Variants in SLC38A10 observed in about 807,000 individuals in gnomAD.
The protein encoded by SLC38A10 is solute carrier family 38 member 10.
Under a neutral mutation model 81.0 loss-of-function variants are expected in SLC38A10, and 53 were observed. The ratio of observed to expected loss-of-function variants is 0.65; its 90% CI spans 0.53 to 0.82. SLC38A10 has a LOEUF of 0.82. SLC38A10 is among the 40% of genes least tolerant of loss of function. SLC38A10 has a pLI of 0.00. For synonymous variants in SLC38A10, 665 were observed against 655.3 expected (o/e 1.01, Z -0.23); for missense variants, 1,471 against 1,545.0 (o/e 0.95, Z 0.80).
Position 81,253,350 on chromosome 17 carries a change from G to A in SLC38A10, c.1289-110C>T. 1.5e-6 allele frequency: 2 copies of A among 1,351,278 alleles called. No individual in the cohort carries two copies. Among genetic ancestry groups the A allele is most frequent in the South Asian group, 2.9e-5 (2 of 69,974 alleles). 83.7% of individuals were successfully genotyped at this position (1,351,278 alleles called of 1,614,324 possible). Reference sequence around the variant, plus strand: ...CCAGCCAAATGGCAGAGTCAAAGCAGTTTCTTTTTCCTGTTCGATCATTAG... The same window carrying A: ...CCAGCCAAATGGCAGAGTCAAAGCAATTTCTTTTTCCTGTTCGATCATTAG... On this transcript the variant is annotated intron_variant, in intron 11 of 15. Coordinates refer to ENST00000374759, the MANE Select transcript of SLC38A10 (RefSeq NM_001037984.3). This position sits in a 1 kb window ranked among gnomAD's most constrained non-coding sequence, Gnocchi z 4.1.
At chr17:81,280,168 C>T (rs1036490689) in intron 6 of SLC38A10, 5 of 453,622 alleles carry the variant, frequency 1.1e-5, no homozygotes, top group Middle Eastern at 3.4e-4. Flanking sequence ...GCCCTGCGTG[C>T]CAGAGAGAAA....
chr17:81,292,018 AGCAC>A (rs1279462804), intron 1 of SLC38A10, among the ~76,000 whole-genome samples: 1 of 152,178 alleles, frequency 6.6e-6, no homozygotes. Flanking sequence ...ATTCATCAAC[AGCAC>A]ATCTAAAGAA....
chr17:81,248,752 G>C (rs2062876733), intron 14 of SLC38A10, among the ~76,000 whole-genome samples: 1 of 152,220 alleles, frequency 6.6e-6, no homozygotes, highest in South Asian at 2.1e-4. Context: ...AGAAGTGCAG[G>C]GTCAGCATTC....
In SLC38A10 at chr17:81,281,164, A is replaced by G. The variant is rs973719012; in HGVS notation, c.502-431T>C. 1.3e-5 allele frequency among the ~76,000 whole-genome samples: 2 copies of G among 152,208 alleles called. No homozygotes were observed. The highest frequency in any genetic ancestry group is 2.4e-5 in the African/African-American group (1 of 41,448). On this transcript the variant is annotated intron_variant, in intron 5 of 15. Transcript: ENST00000374759. The surrounding 1 kb of genome is among the most constrained non-coding windows in gnomAD (Gnocchi z 5.3). ...GGCCCACCAGGACGCGGCTGTCTCAAGAGTAAAGAGGTAGCTGCCACTGGG... is the reference window on the plus strand; with the variant it reads ...GGCCCACCAGGACGCGGCTGTCTCAGGAGTAAAGAGGTAGCTGCCACTGGG...
rs1275676215 is a variant in SLC38A10 at position 81,277,971 on chromosome 17, TG to T, written c.627-839del. On this transcript the variant is annotated intron_variant, in intron 6 of 15. Coordinates refer to ENST00000374759, the MANE Select transcript of SLC38A10 (RefSeq NM_001037984.3). This position sits in a 1 kb window ranked among gnomAD's most constrained non-coding sequence, Gnocchi z 4.5. ...GGGGGGTGCTCCTAGGGTGTCCAGG[TG>T]GCCATGGCCATGGCTGTCCCAGGGC... 1.4e-5 allele frequency among the ~76,000 whole-genome samples: 2 copies of T among 138,912 alleles called. No individual in the cohort carries two copies. The highest frequency in any genetic ancestry group is 1.5e-4 in the Admixed American group (2 of 13,284). The allele number at this position is 138,912 out of a possible 152,430, so 91.1% of individuals were successfully genotyped here.
Position 81,252,310 on chromosome 17 carries a change from C to T in SLC38A10, c.1830G>A (p.Val610=), listed in dbSNP as rs758812901. Residue 610 remains valine (V), a synonymous_variant, in exon 13 of 16, where the codon GTG becomes GTA. Transcript: ENST00000374759. ...DRGLHPRPQA[V]LSEQQNGLAV... ...CCAGGCCGTTCTGCTGCTCAGACAG[C>T]ACTGCCTGGGGCCGAGGATGCAGGC... is the stretch of plus-strand genomic sequence containing the variant. 6.2e-7 allele frequency: 1 copy of T among 1,612,234 alleles called. No individual in the cohort carries two copies. The highest frequency in any genetic ancestry group is 1.1e-5 in the South Asian group (1 of 91,032).
chr17:81,253,262 G>A lies in SLC38A10; in HGVS notation c.1289-22C>T. 1 of 1,610,878 alleles carries A rather than the reference G, an allele frequency of 6.2e-7. No homozygotes were observed. Among genetic ancestry groups the A allele is most frequent in the Admixed American group, 1.7e-5 (1 of 59,946 alleles). On this transcript the variant is annotated intron_variant, in intron 11 of 15. Transcript: ENST00000374759. The surrounding 1 kb of genome is among the most constrained non-coding windows in gnomAD (Gnocchi z 4.1). ...TGGGCTGGGAGCAGGGCACAGTTAG[G>A]GAACTGCACTGCCAAGCAGCTCCAG... is the stretch of plus-strand genomic sequence containing the variant.
intron 11 of SLC38A10, among the ~76,000 whole-genome samples, chr17:81,258,725 C>T (rs1029153415): frequency 6.6e-6 from 1 of 152,202 alleles, no homozygotes; most frequent in African/African-American, 2.4e-5. Flanking sequence ...AGTGGCCCTG[C>T]TCAGGCAGGA....
chr17:81,252,211 T>A lies in SLC38A10; in HGVS notation c.1929A>T (p.Ala643=). The part of the protein sequence containing the change: ...GNAAGDTGQP[A]EDSDHGGKPP... Reference sequence around the variant, plus strand: ...GACACCCACCGTGGTCGCTGTCCTCTGCGGGCTGCCCTGTGTCCCCGGCGG... The same window carrying A: ...GACACCCACCGTGGTCGCTGTCCTCAGCGGGCTGCCCTGTGTCCCCGGCGG... The change falls in exon 13 of 16, where the codon GCA becomes GCT. Residue 643 remains alanine (A), a synonymous_variant. Coordinates refer to ENST00000374759, the MANE Select transcript of SLC38A10 (RefSeq NM_001037984.3). The A allele has an allele frequency of 3.3e-6, 5 of 1,520,250 alleles. No individual in the cohort carries two copies. The South Asian group carries it at 6.5e-5, about 20-fold the overall frequency. 94.2% of individuals were successfully genotyped at this position (1,520,250 alleles called of 1,614,324 possible). A position where few individuals can be genotyped will look rare whatever the true frequency, so the allele number is the denominator to read the frequency against.
chr17:81,282,408 T>G, intron 4 of SLC38A10, 76 bp from the exon 5 acceptor site: 1 of 1,529,328 alleles, frequency 6.5e-7, no homozygotes, highest in South Asian at 1.2e-5. Flanking sequence ...TGACAGGGAG[T>G]GGGAGCGCCC....
At position 81,260,100 on chromosome 17, in the gene SLC38A10, C is replaced by T. The variant is rs2063007700; in HGVS notation, c.1288+138G>A. 16 of 1,078,264 alleles carry T rather than the reference C, an allele frequency of 1.5e-5. No homozygotes were observed. In the South Asian group the frequency reaches 2.5e-4, roughly 17 times the overall value. The allele number at this position is 1,078,264 out of a possible 1,614,324, so 66.8% of individuals were successfully genotyped here. A position where few individuals can be genotyped will look rare whatever the true frequency, so the allele number is the denominator to read the frequency against. On this transcript the variant is annotated intron_variant, in intron 11 of 15. Transcript: ENST00000374759. ...GCACAGAGCATGTTCACAGGGGAGG[C>T]TGGTGGCCCCACCCTGCTGGCTGCA...
rs1427879784 is a variant in SLC38A10 at position 81,246,580 on chromosome 17, A to AG, written c.2335dup (p.Leu779ProfsTer21). On this transcript the variant is annotated frameshift_variant, in exon 16 of 16. Transcript: ENST00000374759. LOFTEE classifies it low-confidence loss of function (END_TRUNC). The stretch of plus-strand genomic sequence containing the variant: ...AGCTCTGAGGACAGGGTCCAAAGGC[A>AG]GGGGAGGCAGATTCTCCACCGTCTC... 1 of 1,516,922 alleles carries AG rather than the reference A, an allele frequency of 6.6e-7. No homozygotes were observed. Among genetic ancestry groups the AG allele is most frequent in the Non-Finnish European group, 8.8e-7 (1 of 1,134,840 alleles). The allele number at this position is 1,516,922 out of a possible 1,614,324, so 94.0% of individuals were successfully genotyped here. A position where few individuals can be genotyped will look rare whatever the true frequency, so the allele number is the denominator to read the frequency against.
chr17:81,250,328 C>T (rs775144931), intron 14 of SLC38A10, among the ~76,000 whole-genome samples: 10 of 152,240 alleles, frequency 6.6e-5, no homozygotes, highest in Non-Finnish European at 8.8e-5. Context: ...CTGCCTTCCG[C>T]GCTGCAGGTG....
chr17:81,251,446 G>A (rs2062911952), intron 14 of SLC38A10, 47 bp downstream of exon 14: 2 of 1,607,796 alleles, frequency 1.2e-6, no homozygotes, highest in Non-Finnish European at 1.7e-6. Context: ...GGAGGGGGCT[G>A]CCGCTCCCTG....
At chr17:81,262,109 G>T (rs190270070) in intron 10 of SLC38A10, among the ~76,000 whole-genome samples, 3 of 152,216 alleles carry the variant, frequency 2.0e-5, no homozygotes, top group Non-Finnish European at 2.9e-5. Context: ...GAGGCTGCCC[G>T]ATCTGTGTAG....
In SLC38A10 at chr17:81,252,314, GC is replaced by G. The variant is rs751944629; in HGVS notation, c.1825del (p.Ala609GlnfsTer96). ...GCCGTTCTGCTGCTCAGACAGCACTGCCTGGGGCCGAGGATGCAGGCCCCTG... is the reference window on the plus strand; with the variant it reads ...GCCGTTCTGCTGCTCAGACAGCACTGCTGGGGCCGAGGATGCAGGCCCCTG... ...GDRGLHPRPQ[A>X]VLSEQQNGLA... On this transcript the variant is annotated frameshift_variant, in exon 13 of 16. Coordinates refer to ENST00000374759, the MANE Select transcript of SLC38A10 (RefSeq NM_001037984.3). LOFTEE classifies it high-confidence loss of function. 1.2e-6 allele frequency: 2 copies of G among 1,612,490 alleles called. No individual in the cohort carries two copies. The highest frequency in any genetic ancestry group is 8.5e-7 in the Non-Finnish European group (1 of 1,179,672).
Position 81,245,834 on chromosome 17 carries a change from C to T in SLC38A10, c.3082G>A (p.Gly1028Arg), listed in dbSNP as rs767717816. The change falls in exon 16 of 16, where the codon GGG (glycine) becomes AGG (arginine). Residue 1028 changes from glycine (G) to arginine (R), a missense_variant. Physicochemically the swap from Gly to Arg is moderately radical, Grantham distance 125. Coordinates refer to ENST00000374759, the MANE Select transcript of SLC38A10 (RefSeq NM_001037984.3). ...PELGLKRAVP[G>R]GQRPDNAKPN... ...TTGGCATTGTCCGGCCTCTGGCCCCCCGGGACAGCTCGTTTGAGCCCCAGC... is the reference window on the plus strand; with the variant it reads ...TTGGCATTGTCCGGCCTCTGGCCCCTCGGGACAGCTCGTTTGAGCCCCAGC... 2 of 1,611,794 alleles carry T rather than the reference C, an allele frequency of 1.2e-6. No homozygotes were observed. The highest frequency in any genetic ancestry group is 8.5e-7 in the Non-Finnish European group (1 of 1,179,382).
chr17:81,245,780 C>T lies in SLC38A10; in HGVS notation c.3136G>A (p.Gly1046Ser). 1 of 1,599,292 alleles carries T rather than the reference C, an allele frequency of 6.3e-7. No homozygotes were observed. The highest frequency in any genetic ancestry group is 8.6e-7 in the Non-Finnish European group (1 of 1,169,558). ...KPNRDLKLQA[G>S]SDLRRRRRDL... ...CGCCGTCGCCTCCGGAGGTCGGAGC[C>T]AGCCTGCAGTTTCAGGTCCCGGTTG... Residue 1046 changes from glycine (G) to serine (S), a missense_variant, in exon 16 of 16, where the codon GGC becomes AGC. Physicochemically the swap from Gly to Ser is moderately conservative, Grantham distance 56 (BLOSUM62 0). Around this residue, in one of 2 missense-constraint regions of SLC38A10, gnomAD observed 751 missense variants for 717.4 expected, o/e 1.05. Transcript: ENST00000374759.
chr17:81,245,434 A>G lies in SLC38A10; in HGVS notation c.*122T>C, dbSNP rs942251943. ...GTCACTCACACTTGGTGAGGGCCTC[A>G]GACATGAAACCCTGGGGAGAGGCGA... On this transcript the variant is annotated 3_prime_UTR_variant, in exon 16 of 16. Transcript: ENST00000374759. 34 of 1,252,726 alleles carry G rather than the reference A, an allele frequency of 2.7e-5. No homozygotes were observed. Among genetic ancestry groups the G allele is most frequent in the Non-Finnish European group, 7.7e-6 (7 of 911,836 alleles). 77.6% of individuals were successfully genotyped at this position (1,252,726 alleles called of 1,614,324 possible).
Sources: gnomAD v4.1 joint callset for allele counts (sites outside exome capture counted in the v4.1 genomes callset) on GRCh38, gnomAD v4.1.1 for gene constraint, gnomAD v4.1.1 regional missense constraint, Gnocchi (gnomAD v3.1) non-coding constraint, MANE v1.5 for transcripts, NCBI Gene and HGNC (gene_info 2026-07-23, HGNC 2026-07-21) for gene names.